Variants in DTX3L observed in about 807,000 individuals in gnomAD.
The protein encoded by DTX3L is deltex E3 ubiquitin ligase 3L.
DTX3L carries 34 observed loss-of-function variants against 60.9 expected under a neutral mutation model. The ratio of observed to expected loss-of-function variants is 0.56; its 90% CI spans 0.42 to 0.74. The LOEUF (loss-of-function observed/expected upper bound fraction) is 0.74. Among genes scored for constraint, DTX3L ranks in the 30% least tolerant of loss-of-function variants. DTX3L has a pLI of 0.00. For synonymous variants in DTX3L, 290 were observed against 316.6 expected (o/e 0.92, Z 0.89); for missense variants, 810 against 874.0 (o/e 0.93, Z 0.92).
At chr3:122,566,804 A>T (rs1016230098) in intron 2 of DTX3L, among the ~76,000 whole-genome samples, 1 of 152,198 alleles carries the variant, frequency 6.6e-6, no homozygotes, top group African/African-American at 2.4e-5. Context: ...GGAGCTGGGG[A>T]GGCAGCCAGG....
At chr3:122,565,272 G>A (rs1314488122) in intron 1 of DTX3L, among the ~76,000 whole-genome samples, 1 of 152,018 alleles carries the variant, frequency 6.6e-6, no homozygotes. Context: ...TAGCACTTTG[G>A]AGGCCGAGGT....
intron 1 of DTX3L, among the ~76,000 whole-genome samples, chr3:122,565,534 AAG>A (rs1394029183): frequency 1.3e-5 from 2 of 149,136 alleles, no homozygotes. Context: ...AAAAAAAAAA[AAG>A]AAGGAAGGAA....
intron 2 of DTX3L, among the ~76,000 whole-genome samples, 179 bp from the exon 3 acceptor site, chr3:122,568,310 G>GAAATAAATAAAT (rs10561562): frequency 2.2e-4 from 33 of 148,442 alleles, no homozygotes; most frequent in South Asian, 6.5e-4. Flanking sequence ...ACTCCATCTT[G>GAAATAAATAAAT]AAATAAATAA....
intron 1 of DTX3L, among the ~76,000 whole-genome samples, chr3:122,565,512 T>TAA (rs770609802): frequency 0.28 from 14,660 of 52,766 alleles, 1,984 homozygotes; most frequent in Admixed American, 0.33. Context: ...AGACTCCGTC[T>TAA]AAAAAAAAAA....
intron 2 of DTX3L, among the ~76,000 whole-genome samples, chr3:122,568,071 A>C (rs1357838263): frequency 6.6e-6 from 1 of 152,168 alleles, no homozygotes; most frequent in African/African-American, 2.4e-5. Flanking sequence ...GCACTTTGGG[A>C]GGCTGAGGTG....
chr3:122,565,178 T>C (rs1378671866), intron 1 of DTX3L, among the ~76,000 whole-genome samples: 2 of 152,154 alleles, frequency 1.3e-5, no homozygotes, highest in Non-Finnish European at 2.9e-5. Flanking sequence ...TCTGCACTTT[T>C]GATTCCTGCT....
intron 4 of DTX3L, 51 bp downstream of exon 4, chr3:122,570,723 G>A (rs751976518): frequency 6.3e-7 from 1 of 1,583,564 alleles, no homozygotes; most frequent in Non-Finnish European, 8.7e-7. Context: ...TAGGGATTAT[G>A]AAATACGGCA....
Position 122,569,732 on chromosome 3 carries a change from C to A in DTX3L, c.1643C>A (p.Ser548Tyr), listed in dbSNP as rs1255930898. ...ASPPLKGSVS[S>Y]EASELDKKEK... ...CCGCCACTCAAGGGCTCTGTGAGTT[C>A]TGAGGCCTCAGAACTGGACAAGAAG... Residue 548 changes from serine (S) to tyrosine (Y), a missense_variant, in exon 3 of 5, where the codon TCT becomes TAT. Transcript: ENST00000296161. 1 of 1,614,016 alleles carries A rather than the reference C, an allele frequency of 6.2e-7. No homozygotes were observed. The highest frequency in any genetic ancestry group is 1.3e-5 in the African/African-American group (1 of 74,922).
intron 4 of DTX3L, among the ~76,000 whole-genome samples, 164 bp from the exon 5 acceptor site, chr3:122,571,514 T>C (rs2080645595): frequency 6.6e-6 from 1 of 152,260 alleles, no homozygotes; most frequent in African/African-American, 2.4e-5. Context: ...GCTAGCGAAA[T>C]GACTCGCATC....
intron 1 of DTX3L, among the ~76,000 whole-genome samples, chr3:122,564,836 G>A (rs1415683348): frequency 6.6e-6 from 1 of 152,222 alleles, no homozygotes; most frequent in Non-Finnish European, 1.5e-5. Flanking sequence ...CTGGCTGACG[G>A]CGCCTTAGTG....
rs1289679983 is a variant in DTX3L at position 122,569,576 on chromosome 3, C to T, written c.1487C>T (p.Pro496Leu). 1.2e-6 allele frequency: 2 copies of T among 1,614,016 alleles called. No individual in the cohort carries two copies. The highest frequency in any genetic ancestry group is 1.7e-5 in the Admixed American group (1 of 60,000). Reference sequence around the variant, plus strand: ...GAGTCAATGACTTTGACTGGTTTGCCAAATCACCTTGCAAAGGCGAAGCAG... The same window carrying T: ...GAGTCAATGACTTTGACTGGTTTGCTAAATCACCTTGCAAAGGCGAAGCAG... ...NQESMTLTGL[P>L]NHLAKAKQYV... The change falls in exon 3 of 5, where the codon CCA becomes CTA. Residue 496 changes from proline (P) to leucine (L), a missense_variant. Coordinates refer to ENST00000296161, the MANE Select transcript of DTX3L (RefSeq NM_138287.3).
chr3:122,569,386 G>A lies in DTX3L; in HGVS notation c.1297G>A (p.Ala433Thr). 6.2e-7 allele frequency: 1 copy of A among 1,614,170 alleles called. No homozygotes were observed. The change falls in exon 3 of 5, where the codon GCT (alanine) becomes ACT (threonine). Residue 433 changes from alanine to threonine, a missense_variant. By Grantham distance (58) the Ala-to-Thr change is moderately conservative (BLOSUM62 0). Transcript: ENST00000296161. Reference protein sequence around the residue: ...KDRQVDLSVHAYASFIDAFQH... With the variant: ...KDRQVDLSVHTYASFIDAFQH... ...CAGGCAGGTAGATCTATCTGTGCAT[G>A]CTTATGCAAGTTTCATCGATGCCTT...
At chr3:122,565,757 G>T in intron 1 of DTX3L, 102 bp from the exon 2 acceptor site, 1 of 1,137,076 alleles carries the variant, frequency 8.8e-7, no homozygotes, top group Non-Finnish European at 1.3e-6. Context: ...AGCCTTACTG[G>T]GAGGTGCTGG....
Position 122,573,774 on chromosome 3 carries a change from T to C in DTX3L, c.*2027T>C, listed in dbSNP as rs1325902617. On this transcript the variant is annotated 3_prime_UTR_variant, in exon 5 of 5. Transcript: ENST00000296161. ...TATATTTCTGAGCATTGTTTTTCTC[T>C]AGATAATTTTATATTTTTGAGTATA... The C allele has an allele frequency of 6.6e-6, 1 of 152,232 alleles. No individual in the cohort carries two copies. Among genetic ancestry groups the C allele is most frequent in the Non-Finnish European group, 1.5e-5 (1 of 68,064 alleles). 9.4% of individuals were successfully genotyped at this position (152,232 alleles called of 1,614,324 possible). A position where few individuals can be genotyped will look rare whatever the true frequency, so the allele number is the denominator to read the frequency against.
In DTX3L at chr3:122,569,764, G is replaced by A. The variant is rs1378493040; in HGVS notation, c.1675G>A (p.Gly559Ser). The A allele has an allele frequency of 6.2e-7, 1 of 1,613,972 alleles. No homozygotes were observed. The highest frequency in any genetic ancestry group is 8.5e-7 in the Non-Finnish European group (1 of 1,180,046). The change falls in exon 3 of 5, where the codon GGC becomes AGC. Residue 559 changes from glycine (G) to serine (S), a missense_variant. Coordinates refer to ENST00000296161, the MANE Select transcript of DTX3L (RefSeq NM_138287.3). ...EASELDKKEK[G>S]ICVICMDTIS... is the part of the protein sequence containing the mutation. Reference sequence around the variant, plus strand: ...CTCAGAACTGGACAAGAAGGAAAAGGGCATCTGTGTCATCTGTATGGACAC... The same window carrying A: ...CTCAGAACTGGACAAGAAGGAAAAGAGCATCTGTGTCATCTGTATGGACAC...
chr3:122,564,444 C>G lies in DTX3L; in HGVS notation c.18C>G (p.Arg6=), dbSNP rs2080509544. Residue 6 remains arginine (R), a synonymous_variant, in exon 1 of 5, where the codon CGC becomes CGG. Transcript: ENST00000296161. MASHL[R]PPSPLLVRVY... ...GCAGAGCCATGGCCTCCCACCTGCGCCCGCCGTCCCCGCTCCTCGTGCGGG... is the reference window on the plus strand; with the variant it reads ...GCAGAGCCATGGCCTCCCACCTGCGGCCGCCGTCCCCGCTCCTCGTGCGGG... The G allele has an allele frequency of 6.2e-7, 1 of 1,610,820 alleles. No homozygotes were observed. The highest frequency in any genetic ancestry group is 8.5e-7 in the Non-Finnish European group (1 of 1,178,874).
At chr3:122,566,328 C>T (rs952399357) in intron 2 of DTX3L, among the ~76,000 whole-genome samples, 1 of 151,998 alleles carries the variant, frequency 6.6e-6, no homozygotes, top group Non-Finnish European at 1.5e-5. Flanking sequence ...TGGAGAGAAA[C>T]AGCGCCAGGG....
chr3:122,571,239 A>T (rs1384421134), intron 4 of DTX3L, among the ~76,000 whole-genome samples: 2 of 149,656 alleles, frequency 1.3e-5, no homozygotes, highest in African/African-American at 4.9e-5. Flanking sequence ...AAATCCTACT[A>T]GCATGTGATT....
intron 3 of DTX3L, 145 bp downstream of exon 3, chr3:122,570,169 G>A (rs1179879964): frequency 2.3e-6 from 2 of 883,644 alleles, no homozygotes; most frequent in Admixed American, 2.5e-5. Context: ...TAGTGGTAAA[G>A]GTCACAATGT....
Sources: allele counts gnomAD v4.1 joint callset (sites outside exome capture counted in the v4.1 genomes callset), GRCh38; gene constraint gnomAD v4.1.1; transcripts MANE v1.5; gene names NCBI Gene and HGNC (gene_info 2026-07-23, HGNC 2026-07-21).